TCF4: variants seen among roughly 807,000 people sequenced by gnomAD.
TCF4 encodes transcription factor 4.
In TCF4, 3 loss-of-function variants were observed where a neutral mutation model predicts 82.1. The observed-to-expected ratio is 0.04, with a 90% confidence interval of 0.02 to 0.09. The LOEUF (loss-of-function observed/expected upper bound fraction) is 0.09, where lower values mean the gene tolerates loss of function less well. Ranked by LOEUF, TCF4 falls within the 10% of genes least tolerant of loss-of-function variation. The pLI, the probability that TCF4 is intolerant of heterozygous loss-of-function variation, is 1.00. For synonymous variants in TCF4, 276 were observed against 309.6 expected, an observed-to-expected ratio of 0.89 and a Z score of 1.14; for missense variants, 518 against 852.7, an observed-to-expected ratio of 0.61 and a Z score of 4.89.
chr18:55,395,112 A>G lies in TCF4; in HGVS notation c.369+8342T>C, dbSNP rs17594610. Among the ~76,000 whole-genome samples the G allele has an allele frequency of 6.5e-3, 988 of 152,318 alleles. 4 individuals carry two copies. The highest frequency in any genetic ancestry group is 0.011 in the Non-Finnish European group (768 of 68,034). ...TAATATCAAGCATGACGTTCAATAA[A>G]TATTTCTGTCATTTCACATTGAAAC... On this transcript the variant is annotated intron_variant, in intron 6 of 19. Coordinates refer to ENST00000354452, the MANE Select transcript of TCF4 (RefSeq NM_001083962.2).
intron 2 of TCF4, among the ~76,000 whole-genome samples, chr18:55,601,990 G>A (rs545840504): frequency 1.3e-4 from 20 of 152,056 alleles, no homozygotes; most frequent in South Asian, 2.1e-4. Flanking sequence ...ATTTTCTTTC[G>A]TTTCTTTTTC....
intron 8 of TCF4, among the ~76,000 whole-genome samples, chr18:55,297,449 T>A (rs2066874527): frequency 7.5e-6 from 1 of 133,288 alleles, no homozygotes; most frequent in Admixed American, 7.2e-5. Context: ...CAAGAATAGA[T>A]CTTAAAGGGA....
At chr18:55,472,754 A>G (rs1441013030) in intron 3 of TCF4, among the ~76,000 whole-genome samples, 1 of 152,054 alleles carries the variant, frequency 6.6e-6, no homozygotes, top group Non-Finnish European at 1.5e-5. Context: ...AAAAAAAATC[A>G]AAGTACCATC....
intron 8 of TCF4, among the ~76,000 whole-genome samples, chr18:55,303,740 A>G (rs2069181166): frequency 6.6e-6 from 1 of 152,234 alleles, no homozygotes; most frequent in Admixed American, 6.5e-5. Context: ...AAATGGACAG[A>G]AAAAAGGAAG....
At chr18:55,306,127 A>G (rs1487848661) in intron 8 of TCF4, among the ~76,000 whole-genome samples, 4 of 152,210 alleles carry the variant, frequency 2.6e-5, no homozygotes, top group African/African-American at 9.6e-5. Context: ...GAAATTGGGA[A>G]GTGAATTATT....
chr18:55,338,117 G>C (rs1373102299), intron 8 of TCF4, among the ~76,000 whole-genome samples: 4 of 152,122 alleles, frequency 2.6e-5, no homozygotes, highest in Non-Finnish European at 5.9e-5. Flanking sequence ...TGATTTCCCT[G>C]CTTCCCTTAG....
intron 3 of TCF4, among the ~76,000 whole-genome samples, chr18:55,530,226 T>C (rs2097044235): frequency 6.6e-6 from 1 of 152,150 alleles, no homozygotes. Flanking sequence ...AACAGGTGAT[T>C]GGAAGGAGAA....
chr18:55,557,285 A>G (rs919576169), intron 3 of TCF4, among the ~76,000 whole-genome samples: 10 of 152,074 alleles, frequency 6.6e-5, no homozygotes, highest in African/African-American at 2.2e-4. Flanking sequence ...AGACACACAC[A>G]CACAAAGTAG....
intron 6 of TCF4, among the ~76,000 whole-genome samples, chr18:55,388,144 G>T (rs995000964): frequency 6.6e-6 from 1 of 152,128 alleles, no homozygotes; most frequent in African/African-American, 2.4e-5. Context: ...CTACAACAAG[G>T]TTACAAAATT....
At chr18:55,318,271 T>C (rs575229558) in intron 8 of TCF4, among the ~76,000 whole-genome samples, 1 of 152,240 alleles carries the variant, frequency 6.6e-6, no homozygotes, top group African/African-American at 2.4e-5. Flanking sequence ...GATCAAAATT[T>C]AGAGCTAGAA....
At chr18:55,571,741 T>G (rs75861549) in intron 3 of TCF4, among the ~76,000 whole-genome samples, 1 of 80,720 alleles carries the variant, frequency 1.2e-5, no homozygotes, top group African/African-American at 3.3e-5. Context: ...GTAGAGGGTG[T>G]TTTTTTTTTT....
At chr18:55,560,246 T>C (rs944297672) in intron 3 of TCF4, among the ~76,000 whole-genome samples, 5 of 152,190 alleles carry the variant, frequency 3.3e-5, no homozygotes, top group East Asian at 1.9e-4. Flanking sequence ...CAGTGCGTAA[T>C]GCAAGACTAA....
chr18:55,554,935 A>T (rs1369926760), intron 3 of TCF4, among the ~76,000 whole-genome samples: 1 of 152,240 alleles, frequency 6.6e-6, no homozygotes, highest in African/African-American at 2.4e-5. Flanking sequence ...AGTGACAGGG[A>T]TCAACAGCAG....
At chr18:55,376,016 T>TC (rs2090636535) in intron 6 of TCF4, among the ~76,000 whole-genome samples, 1 of 146,644 alleles carries the variant, frequency 6.8e-6, no homozygotes, top group Non-Finnish European at 1.5e-5. Context: ...TATTTTCTTC[T>TC]CCTTTTTTTT....
At chr18:55,600,727 G>A (rs2097695943) in intron 2 of TCF4, among the ~76,000 whole-genome samples, 1 of 152,162 alleles carries the variant, frequency 6.6e-6, no homozygotes, top group Non-Finnish European at 1.5e-5. Flanking sequence ...TTGGAGTGCA[G>A]TTGACTGTCC....
chr18:55,290,640 C>A (rs1314353440), intron 8 of TCF4, among the ~76,000 whole-genome samples: 1 of 152,126 alleles, frequency 6.6e-6, no homozygotes, highest in Admixed American at 6.5e-5. Flanking sequence ...CTTCTTATTT[C>A]TCCAGTCCCA....
chr18:55,251,937 T>TTTTG (rs1555756586), intron 15 of TCF4, among the ~76,000 whole-genome samples: 1 of 151,296 alleles, frequency 6.6e-6, no homozygotes, highest in Non-Finnish European at 1.5e-5. Context: ...GAGGTTTTTT[T>TTTTG]TTTTTTTTTT....
chr18:55,419,813 A>C (rs2094662004), intron 5 of TCF4, among the ~76,000 whole-genome samples: 1 of 152,246 alleles, frequency 6.6e-6, no homozygotes, highest in South Asian at 2.1e-4. Flanking sequence ...TGCAAGGGAA[A>C]TATGAGAAGC....
chr18:55,488,546 A>G (rs2096542334), intron 3 of TCF4, among the ~76,000 whole-genome samples: 1 of 152,214 alleles, frequency 6.6e-6, no homozygotes, highest in African/African-American at 2.4e-5. Flanking sequence ...TGCCAAGACA[A>G]AAGCACAACT....
Sources: allele counts gnomAD v4.1 joint callset (sites outside exome capture counted in the v4.1 genomes callset), GRCh38; gene constraint gnomAD v4.1.1; transcripts MANE v1.5; gene names NCBI Gene and HGNC (gene_info 2026-07-23, HGNC 2026-07-21).